PER2: variants seen among roughly 807,000 people sequenced by gnomAD.
PER2 encodes the protein period circadian regulator 2, also known as period circadian protein homolog 2.
Under a neutral mutation model 121.0 loss-of-function variants are expected in PER2, and 66 were observed. The observed-to-expected ratio is 0.55, with a 90% CI of 0.45 to 0.67. PER2 has a LOEUF of 0.67. Ranked by LOEUF, PER2 falls within the 30% of genes least tolerant of loss-of-function variation. The probability of loss-of-function intolerance (pLI) is 0.00; values close to 1 mark genes in which losing one functional copy is unlikely to be tolerated. For missense variants in PER2, 1,521 were observed against 1,635.0 expected, an observed-to-expected ratio of 0.93 and a Z score of 1.20; for synonymous variants, 684 against 659.9, an observed-to-expected ratio of 1.04 and a Z score of -0.56.
chr2:238,252,828 T>G lies in PER2; in HGVS notation c.3111+84A>C. On this transcript the variant is annotated intron_variant, in intron 19 of 22. Transcript: ENST00000254657. This position sits in a 1 kb window ranked among gnomAD's most constrained non-coding sequence, Gnocchi z 4.2. ...GGAAACCTCAATCGTGTAACCCCCA[T>G]GTCTGAACTGAGGATGTGCGGCCGG... 1 of 1,164,246 alleles carries G rather than the reference T, an allele frequency of 8.6e-7. No individual in the cohort carries two copies. The highest frequency in any genetic ancestry group is 1.3e-6 in the Non-Finnish European group (1 of 778,104). The allele number at this position is 1,164,246 out of a possible 1,614,324, so 72.1% of individuals were successfully genotyped here.
rs1015104568 is a variant in PER2, at chr2:238,252,337, C to T, written c.3111+575G>A. On this transcript the variant is annotated intron_variant, in intron 19 of 22. Transcript: ENST00000254657. The surrounding 1 kb of genome is among the most constrained non-coding windows in gnomAD (Gnocchi z 4.2). The stretch of plus-strand genomic sequence containing the variant: ...AAGGCAGGGAATCGCCTGAGGCCTA[C>T]GGACTGCACTGCTGCTGGCGTTCCC... Among the ~76,000 whole-genome samples the T allele has an allele frequency of 1.3e-5, 2 of 152,220 alleles. No individual in the cohort carries two copies. Among genetic ancestry groups the T allele is most frequent in the African/African-American group, 2.4e-5 (1 of 41,450 alleles).
intron 21 of PER2, 125 bp from the exon 22 acceptor site, chr2:238,249,337 T>A: frequency 3.0e-6 from 3 of 997,732 alleles, no homozygotes; most frequent in Non-Finnish European, 4.4e-6. Flanking sequence ...TTTAAAAAAA[T>A]TTTCATTTAA....
intron 1 of PER2, among the ~76,000 whole-genome samples, chr2:238,282,929 G>A (rs775501432): frequency 3.3e-5 from 5 of 152,190 alleles, no homozygotes; most frequent in South Asian, 2.1e-4. Context: ...CCTGGGCTTC[G>A]CTCTCTCAGG....
rs1239452128 is a variant in PER2, at chr2:238,252,102, G to A, written c.3112-341C>T. Among the ~76,000 whole-genome samples the A allele has an allele frequency of 1.3e-5, 2 of 152,148 alleles. No homozygotes were observed. Among genetic ancestry groups the A allele is most frequent in the Non-Finnish European group, 2.9e-5 (2 of 68,012 alleles). ...TGCAGCAGACATGGATGGGGAAAAC[G>A]CCTCTCACAGCACCCGGTGTGGGGG... On this transcript the variant is annotated intron_variant, in intron 19 of 22. Coordinates refer to ENST00000254657, the MANE Select transcript of PER2 (RefSeq NM_022817.3). This position sits in a 1 kb window ranked among gnomAD's most constrained non-coding sequence, Gnocchi z 4.2.
intron 12 of PER2, 148 bp from the exon 13 acceptor site, chr2:238,261,101 C>G (rs1464346118): frequency 2.2e-6 from 2 of 928,048 alleles, no homozygotes; most frequent in East Asian, 5.3e-5. Context: ...GGTTTGAACC[C>G]CAGGGTCAGC....
At chr2:238,247,234 G>A (rs1381718972) in intron 22 of PER2, 2 of 152,236 alleles carry the variant, frequency 1.3e-5, no homozygotes, top group Non-Finnish European at 2.9e-5. Context: ...GGTCCTAAAA[G>A]GCACCTTGGC....
chr2:238,252,828 T>C lies in PER2; in HGVS notation c.3111+84A>G, dbSNP rs960634293. On this transcript the variant is annotated intron_variant, in intron 19 of 22. Transcript: ENST00000254657. The surrounding 1 kb of genome is among the most constrained non-coding windows in gnomAD (Gnocchi z 4.2). ...GGAAACCTCAATCGTGTAACCCCCA[T>C]GTCTGAACTGAGGATGTGCGGCCGG... is the stretch of plus-strand genomic sequence containing the variant. The C allele has an allele frequency of 9.0e-5, 105 of 1,164,128 alleles. No homozygotes were observed. The highest frequency in any genetic ancestry group is 1.2e-4 in the Non-Finnish European group (94 of 778,112). 72.1% of individuals were successfully genotyped at this position (1,164,128 alleles called of 1,614,324 possible).
chr2:238,258,137 T>C, intron 16 of PER2, 139 bp downstream of exon 16: 3 of 955,056 alleles, frequency 3.1e-6, no homozygotes, highest in Middle Eastern at 3.1e-4. Context: ...AGAAGGGTGC[T>C]GACTTTTGAA....
At position 238,255,484 on chromosome 2, in the gene PER2, C is replaced by T. The variant is rs530994431; in HGVS notation, c.2320+173G>A. 4.2e-5 allele frequency: 30 copies of T among 720,138 alleles called. No individual in the cohort carries two copies. The Admixed American group carries it at 5.0e-4, about 12-fold the overall frequency. The allele number at this position is 720,138 out of a possible 1,614,324, so 44.6% of individuals were successfully genotyped here. On this transcript the variant is annotated intron_variant, in intron 18 of 22. Transcript: ENST00000254657. The stretch of plus-strand genomic sequence containing the variant: ...AAGCTGACATCCCGAGAGCACCCCC[C>T]CGGTGGGAAGTTCTACAGAAACAGA...
chr2:238,257,187 G>A, intron 16 of PER2, 101 bp from the exon 17 acceptor site: 1 of 1,070,576 alleles, frequency 9.3e-7, no homozygotes, highest in Non-Finnish European at 1.4e-6. Context: ...CCACACCAGG[G>A]TGCACACAAC....
chr2:238,262,914 C>T, intron 10 of PER2, 38 bp downstream of exon 10: 2 of 1,417,002 alleles, frequency 1.4e-6, no homozygotes, highest in South Asian at 1.2e-5. Context: ...GGAACTTCCG[C>T]CAAACACTTC....
At chr2:238,263,341 G>A (rs1298663601) in intron 9 of PER2, among the ~76,000 whole-genome samples, 1 of 152,222 alleles carries the variant, frequency 6.6e-6, no homozygotes, top group Non-Finnish European at 1.5e-5. Context: ...TCATGCTTTT[G>A]TTTTCTTCCT....
rs1218184730 is a variant in PER2, at chr2:238,246,532, G to T, written c.3619-8C>A. ...TTCACAGTAAACACATTCCTTAAAA[G>T]AAAAAAAAAGAGAAATCAGTAACAA... On this transcript the variant is annotated splice_region_variant and splice_polypyrimidine_tract_variant and intron_variant, in intron 22 of 22. Coordinates refer to ENST00000254657, the MANE Select transcript of PER2 (RefSeq NM_022817.3). The T allele has an allele frequency of 6.7e-7, 1 of 1,503,476 alleles. No homozygotes were observed. Among genetic ancestry groups the T allele is most frequent in the Non-Finnish European group, 9.2e-7 (1 of 1,090,280 alleles). The allele number at this position is 1,503,476 out of a possible 1,614,324, so 93.1% of individuals were successfully genotyped here.
upstream of PER2, among the ~76,000 whole-genome samples, chr2:238,288,803 A>C (rs1056433971): frequency 6.6e-6 from 1 of 150,772 alleles, no homozygotes. Context: ...ATAGTGGAAA[A>C]CGTGACCGCG....
intron 4 of PER2, among the ~76,000 whole-genome samples, chr2:238,274,432 G>A (rs1045175445): frequency 6.6e-6 from 1 of 152,236 alleles, no homozygotes; most frequent in African/African-American, 2.4e-5. Context: ...GGTCTCATAT[G>A]CTTTCAGTTT....
intron 11 of PER2, 79 bp downstream of exon 11, chr2:238,262,112 A>G (rs778233330): frequency 2.4e-5 from 33 of 1,355,986 alleles, no homozygotes; most frequent in Admixed American, 8.4e-5. Flanking sequence ...TCCCTATGCC[A>G]TCTGTTGCTG....
intron 22 of PER2, among the ~76,000 whole-genome samples, chr2:238,248,323 T>C (rs1695501384): frequency 6.6e-6 from 1 of 151,914 alleles, no homozygotes; most frequent in Non-Finnish European, 1.5e-5. Flanking sequence ...CCACGGTATG[T>C]GGGAGGGAGG....
Position 238,261,741 on chromosome 2 carries a change from C to T in PER2, c.1404G>A (p.Arg468=), listed in dbSNP as rs1201730751. 1 of 1,558,164 alleles carries T rather than the reference C, an allele frequency of 6.4e-7. No individual in the cohort carries two copies. Among genetic ancestry groups the T allele is most frequent in the Non-Finnish European group, 8.7e-7 (1 of 1,149,834 alleles). The change falls in exon 12 of 23, where the codon CGG becomes CGA. Residue 468 remains arginine (R), a synonymous_variant. Transcript: ENST00000254657. ...SIQELTEQIH[R]LLLQPVPHSG... is the part of the protein sequence containing the mutation. ...GCACCACACCCACCTGCAGCAGGAG[C>T]CGGTGGATCTGCTCTGTGAGCTCCT...
intron 4 of PER2, among the ~76,000 whole-genome samples, chr2:238,275,292 T>C (rs1696418229): frequency 6.6e-6 from 1 of 152,182 alleles, no homozygotes; most frequent in South Asian, 2.1e-4. Context: ...CACCTTCCTT[T>C]CCCACCCTGG....
Sources: gnomAD v4.1 joint callset for allele counts (sites outside exome capture counted in the v4.1 genomes callset) on GRCh38, gnomAD v4.1.1 for gene constraint, Gnocchi (gnomAD v3.1) non-coding constraint, MANE v1.5 for transcripts, NCBI Gene and HGNC (gene_info 2026-07-23, HGNC 2026-07-21) for gene names.